The following CFAP91 variants were observed in gnomAD, a reference collection of about 807,000 sequenced individuals.
CFAP91 encodes cilia- and flagella-associated protein 91.
CFAP91 carries 85 observed loss-of-function variants against 95.9 expected under a neutral mutation model. The ratio of observed to expected loss-of-function variants is 0.89; its 90% confidence interval spans 0.74 to 1.06. The LOEUF is 1.06. CFAP91 is among the 50% of genes least tolerant of loss of function. CFAP91 has a pLI of 0.00. For synonymous variants in CFAP91, 335 were observed against 327.5 expected (o/e 1.02, Z -0.25); for missense variants, 962 against 943.4 (o/e 1.02, Z -0.26).
At chr3:119,725,440 G>T (rs539994675) in intron 6 of CFAP91, among the ~76,000 whole-genome samples, 1 of 152,326 alleles carries the variant, frequency 6.6e-6, no homozygotes, top group South Asian at 2.1e-4. Flanking sequence ...CTAGTGATTA[G>T]TGTCTTCATT....
At chr3:119,737,604 A>G in intron 11 of CFAP91, 122 bp downstream of exon 11, 1 of 570,812 alleles carries the variant, frequency 1.8e-6, no homozygotes, top group Non-Finnish European at 3.1e-6. Flanking sequence ...TCTGACTTAA[A>G]TATTGTCTTT....
intron 16 of CFAP91, among the ~76,000 whole-genome samples, chr3:119,748,240 T>A (rs2054261491): frequency 6.6e-6 from 1 of 152,226 alleles, no homozygotes; most frequent in South Asian, 2.1e-4. Flanking sequence ...GATTTTCACA[T>A]TGTAGCAGCC....
chr3:119,747,936 T>C, intron 16 of CFAP91, 34 bp downstream of exon 16: 1 of 1,477,802 alleles, frequency 6.8e-7, no homozygotes, highest in Non-Finnish European at 9.4e-7. Flanking sequence ...TTTAGGATTT[T>C]TTAAAGATGT....
chr3:119,764,683 A>C (rs2054598096), intron 17 of CFAP91, among the ~76,000 whole-genome samples: 1 of 152,152 alleles, frequency 6.6e-6, no homozygotes, highest in African/African-American at 2.4e-5. Flanking sequence ...AAGGTCAATA[A>C]GAAGTTGGTA....
chr3:119,707,309 T>C (rs2053384537), intron 2 of CFAP91, 95 bp from the exon 3 acceptor site: 1 of 946,060 alleles, frequency 1.1e-6, no homozygotes, highest in African/African-American at 1.6e-5. Flanking sequence ...ATACATTGTT[T>C]TGTATGTTTT....
chr3:119,753,662 G>C (rs2054369284), intron 17 of CFAP91, among the ~76,000 whole-genome samples: 1 of 152,158 alleles, frequency 6.6e-6, no homozygotes. Flanking sequence ...GTTAGACCCA[G>C]ACTTTATTTT....
chr3:119,720,206 G>C (rs566591509), intron 6 of CFAP91, among the ~76,000 whole-genome samples: 1 of 150,830 alleles, frequency 6.6e-6, no homozygotes, highest in South Asian at 2.1e-4. Flanking sequence ...GGCTAACATG[G>C]TGAAACCCTG....
intron 6 of CFAP91, chr3:119,716,019 ATTTC>A: frequency 1.8e-6 from 1 of 557,948 alleles, no homozygotes; most frequent in South Asian, 2.6e-5. Context: ...ATGTCCTCTC[ATTTC>A]TCTCTCCTAG....
chr3:119,733,369 G>A lies in CFAP91; in HGVS notation c.1207G>A (p.Val403Met), dbSNP rs890235416. 2 of 1,613,984 alleles carry A rather than the reference G, an allele frequency of 1.2e-6. No homozygotes were observed. Among genetic ancestry groups the A allele is most frequent in the Admixed American group, 1.7e-5 (1 of 60,002 alleles). ...NYYLNTYEGL[V>M]ELESCLPDFV... ...CATGTGCTTCCTTCCCATAGGATTAGTGGAACTTGAGTCATGTCTCCCAGA... is the reference window on the plus strand; with the variant it reads ...CATGTGCTTCCTTCCCATAGGATTAATGGAACTTGAGTCATGTCTCCCAGA... Residue 403 changes from valine (V) to methionine (M), a missense_variant, in exon 10 of 18, where the codon GTG becomes ATG. Coordinates refer to ENST00000273390, the MANE Select transcript of CFAP91 (RefSeq NM_033364.4).
chr3:119,718,251 A>G lies in CFAP91; in HGVS notation c.682+2508A>G, dbSNP rs142546006. ...AGGATGAGGGGGAAATAGCAACACC[A>G]AAACAAGAATGGGAGTCATGAAAAA... On this transcript the variant is annotated intron_variant, in intron 6 of 17. Coordinates refer to ENST00000273390, the MANE Select transcript of CFAP91 (RefSeq NM_033364.4). 4.1e-3 allele frequency among the ~76,000 whole-genome samples: 632 copies of G among 152,340 alleles called. 3 individuals are homozygous for G. Among genetic ancestry groups the G allele is most frequent in the Middle Eastern group, 0.01 (3 of 294 alleles).
rs1470438568 is a variant in CFAP91, at chr3:119,726,267, C to T, written c.779C>T (p.Thr260Ile). The T allele has an allele frequency of 6.2e-7, 1 of 1,613,862 alleles. No homozygotes were observed. The highest frequency in any genetic ancestry group is 8.5e-7 in the Non-Finnish European group (1 of 1,179,930). The part of the protein sequence containing the change: ...WEASLPALSD[T>I]SQFEKRRKMM... The stretch of plus-strand genomic sequence containing the variant: ...GCCTCTCTCCCCGCTCTGAGTGACA[C>T]CTCCCAGTTTGAGAAGAGGAGGAAA... The change falls in exon 7 of 18, where the codon ACC becomes ATC. Residue 260 changes from threonine (T) to isoleucine (I), a missense_variant. By Grantham distance (89) the Thr-to-Ile change is moderately conservative. Transcript: ENST00000273390.
rs868707754 is a variant in CFAP91, at chr3:119,753,453, C to G, written c.*1+2355C>G. ...TTGAACTTAACGAGATCCTTGGTTT[C>G]TATTGCTTCAAGGAACCTGCCAGAA... On this transcript the variant is annotated intron_variant, in intron 17 of 17. Coordinates refer to ENST00000273390, the MANE Select transcript of CFAP91 (RefSeq NM_033364.4). Among the ~76,000 whole-genome samples the G allele has an allele frequency of 1.3e-4, 20 of 152,266 alleles. 1 individual carries two copies. The highest frequency in any genetic ancestry group is 3.4e-3 in the Middle Eastern group (1 of 294).
At chr3:119,731,609 G>A (rs891189037) in intron 8 of CFAP91, among the ~76,000 whole-genome samples, 4 of 152,124 alleles carry the variant, frequency 2.6e-5, no homozygotes, top group Non-Finnish European at 4.4e-5. Flanking sequence ...ATATCCCCAA[G>A]ACAGCAGTGG....
At chr3:119,706,718 C>T in intron 1 of CFAP91, 91 bp from the exon 2 acceptor site, 1 of 976,552 alleles carries the variant, frequency 1.0e-6, no homozygotes, top group South Asian at 1.4e-5. Context: ...AATTTGTTTT[C>T]CAATTAAGAG....
intron 17 of CFAP91, among the ~76,000 whole-genome samples, chr3:119,756,837 A>T (rs1312253615): frequency 6.6e-6 from 1 of 152,216 alleles, no homozygotes; most frequent in African/African-American, 2.4e-5. Flanking sequence ...GTGGATAGAA[A>T]GGAGAAAAAA....
chr3:119,715,903 G>T, intron 6 of CFAP91, 160 bp downstream of exon 6: 1 of 629,524 alleles, frequency 1.6e-6, no homozygotes. Context: ...TGATACTTCT[G>T]GTCAAATAAA....
In CFAP91 at chr3:119,737,453, C is replaced by G; in HGVS notation, c.1432C>G (p.Pro478Ala). The G allele has an allele frequency of 6.2e-7, 1 of 1,608,010 alleles. No homozygotes were observed. Among genetic ancestry groups the G allele is most frequent in the Non-Finnish European group, 8.5e-7 (1 of 1,177,636 alleles). Residue 478 changes from proline (P) to alanine (A), a missense_variant, in exon 11 of 18, where the codon CCA (proline) becomes GCA (alanine). Transcript: ENST00000273390. ...QRNPIPQPRLPTPTLEMTSNE... is the reference protein window; with the variant it reads ...QRNPIPQPRLATPTLEMTSNE... ...AAACCCAATACCTCAACCTCGGCTTCCAACTCCAACCTTGGAAATGACGTC... is the reference window on the plus strand; with the variant it reads ...AAACCCAATACCTCAACCTCGGCTTGCAACTCCAACCTTGGAAATGACGTC...
At chr3:119,755,505 T>C (rs1229472504) in intron 17 of CFAP91, among the ~76,000 whole-genome samples, 3 of 152,148 alleles carry the variant, frequency 2.0e-5, no homozygotes, top group Non-Finnish European at 4.4e-5. Flanking sequence ...CCTCTCTCTC[T>C]CTTCCTTTCT....
At chr3:119,709,928 GTTTA>G in intron 5 of CFAP91, 33 bp downstream of exon 5, 2 of 1,493,394 alleles carry the variant, frequency 1.3e-6, no homozygotes, top group South Asian at 1.2e-5. Flanking sequence ...CTCTTTTTCA[GTTTA>G]TTTATTGTTT....
Sources: gnomAD v4.1 joint callset for allele counts (sites outside exome capture counted in the v4.1 genomes callset) on GRCh38, gnomAD v4.1.1 for gene constraint, MANE v1.5 for transcripts, NCBI Gene and HGNC (gene_info 2026-07-23, HGNC 2026-07-21) for gene names.